Variants in LEPR observed in about 807,000 individuals in gnomAD.
The protein encoded by LEPR is leptin receptor, also known as OB receptor.
A neutral mutation model predicts 114.7 loss-of-function variants in LEPR; 56 were observed. The observed-to-expected ratio is 0.49, with a 90% CI of 0.39 to 0.61. LEPR has a LOEUF of 0.61. LEPR is among the 20% of genes least tolerant of loss of function. The pLI, the probability that LEPR is intolerant of heterozygous loss-of-function variation, is 0.00. For synonymous variants in LEPR, 443 were observed against 461.4 expected (o/e 0.96, Z 0.51); for missense variants, 1,202 against 1,352.9 (o/e 0.89, Z 1.75).
At chr1:65,420,783 C>T (rs1406337951) in intron 1 of LEPR, 43 bp downstream of exon 1, 3 of 1,566,212 alleles carry the variant, frequency 1.9e-6, no homozygotes, top group Middle Eastern at 1.7e-4. Flanking sequence ...GGTGGGGTTG[C>T]CACCTCCGTT....
chr1:65,431,897 A>T, intron 2 of LEPR: 1 of 1,614,002 alleles, frequency 6.2e-7, no homozygotes, highest in Non-Finnish European at 8.5e-7. Context: ...AGAGGAGATG[A>T]TTTTAGCTGG....
At chr1:65,469,684 A>G (rs1394337285) in intron 2 of LEPR, among the ~76,000 whole-genome samples, 2 of 152,158 alleles carry the variant, frequency 1.3e-5, no homozygotes, top group Admixed American at 6.5e-5. Flanking sequence ...ACACTTAGCA[A>G]AACAGTGTGT....
At position 65,637,848 on chromosome 1, in the gene LEPR, GTTAA is replaced by G. The variant is rs958986757; in HGVS notation, c.*837_*840del. On this transcript the variant is annotated 3_prime_UTR_variant, in exon 20 of 20. Transcript: ENST00000349533. ...GCAGTACTTTACATACCTTAACCCA[GTTAA>G]TTATTGAAATAATTGTATGAGACAT... 2.8e-4 allele frequency: 42 copies of G among 152,162 alleles called. No homozygotes were observed. Among genetic ancestry groups the G allele is most frequent in the Admixed American group, 2.3e-3 (35 of 15,278 alleles). 9.4% of individuals were successfully genotyped at this position (152,162 alleles called of 1,614,324 possible). A position where few individuals can be genotyped will look rare whatever the true frequency, so the allele number is the denominator to read the frequency against.
intron 5 of LEPR, among the ~76,000 whole-genome samples, chr1:65,579,625 A>G (rs1431483683): frequency 6.6e-6 from 1 of 152,204 alleles, no homozygotes; most frequent in Non-Finnish European, 1.5e-5. Context: ...AATGACCTAA[A>G]TGCTTTGGAT....
chr1:65,472,996 TG>T (rs1647107415), intron 2 of LEPR, among the ~76,000 whole-genome samples: 2 of 152,184 alleles, frequency 1.3e-5, no homozygotes, highest in Admixed American at 6.5e-5. Context: ...CCCCCAGGGA[TG>T]GAAGTTTACT....
chr1:65,614,831 A>G (rs1206436183), intron 14 of LEPR, among the ~76,000 whole-genome samples: 1 of 152,158 alleles, frequency 6.6e-6, no homozygotes. Flanking sequence ...GTAGTAAGAC[A>G]TGTGCCCAGA....
chr1:65,509,181 C>A (rs1488898931), intron 2 of LEPR, among the ~76,000 whole-genome samples: 1 of 152,078 alleles, frequency 6.6e-6, no homozygotes, highest in Admixed American at 6.6e-5. Flanking sequence ...CCTTTTACTT[C>A]TTTTCTCTTG....
At chr1:65,451,952 C>A (rs1275917606) in intron 2 of LEPR, among the ~76,000 whole-genome samples, 2 of 150,798 alleles carry the variant, frequency 1.3e-5, no homozygotes, top group African/African-American at 2.4e-5. Context: ...CTTTTATTTC[C>A]TTGAGCAGTG....
At chr1:65,453,866 A>C (rs865825362) in intron 2 of LEPR, among the ~76,000 whole-genome samples, 41 of 151,502 alleles carry the variant, frequency 2.7e-4, no homozygotes, top group South Asian at 6.3e-4. Flanking sequence ...TGATCTGTCT[A>C]ATGTTGACAG....
Position 65,558,501 on chromosome 1 carries a change from G to GTTTTTTTTTTTTTTTTTTTTTTT in LEPR, c.-20-7030_-20-7029insTTTTTTTTTTTTTTTTTTTTTTT, listed in dbSNP as rs781558613. On this transcript the variant is annotated intron_variant, in intron 2 of 19. Coordinates refer to ENST00000349533, the MANE Select transcript of LEPR (RefSeq NM_002303.6). Reference sequence around the variant, plus strand: ...TGAGTCATGAGACATGTTTCTTAATGTTTTTTTTTTTTTTTGAATCAGAAG... The same window carrying GTTTTTTTTTTTTTTTTTTTTTTT: ...TGAGTCATGAGACATGTTTCTTAATGTTTTTTTTTTTTTTTTTTTTTTTTTTTTTTTTTTTTTTGAATCAGAAG... Among the ~76,000 whole-genome samples, 12 of 23,142 alleles carry GTTTTTTTTTTTTTTTTTTTTTTT rather than the reference G, an allele frequency of 5.2e-4. 3 individuals are homozygous for GTTTTTTTTTTTTTTTTTTTTTTT. The highest frequency in any genetic ancestry group is 9.1e-4 in the Non-Finnish European group (11 of 12,124). 15.2% of individuals were successfully genotyped at this position (23,142 alleles called of 152,430 possible).
intron 19 of LEPR, among the ~76,000 whole-genome samples, chr1:65,632,313 C>T (rs987663057): frequency 1.7e-4 from 26 of 152,128 alleles, no homozygotes; most frequent in African/African-American, 5.5e-4. Flanking sequence ...ATGCACATTA[C>T]TGGGCCTAGA....
At chr1:65,572,854 AG>A (rs2100815640) in intron 5 of LEPR, among the ~76,000 whole-genome samples, 1 of 152,316 alleles carries the variant, frequency 6.6e-6, no homozygotes, top group African/African-American at 2.4e-5. Context: ...CTCTCTTAGC[AG>A]CAGCTTTCTC....
At chr1:65,571,840 C>A (rs1654197331) in intron 4 of LEPR, among the ~76,000 whole-genome samples, 1 of 138,952 alleles carries the variant, frequency 7.2e-6, no homozygotes. Flanking sequence ...CATGGTGGTG[C>A]ATGCCTCTAG....
At chr1:65,431,382 C>T (rs2100227326) in intron 2 of LEPR, among the ~76,000 whole-genome samples, 1 of 152,230 alleles carries the variant, frequency 6.6e-6, no homozygotes, top group South Asian at 2.1e-4. Flanking sequence ...TGTATGAAGA[C>T]TATTATTTAA....
chr1:65,586,650 AT>A (rs1655338547), intron 5 of LEPR, among the ~76,000 whole-genome samples: 1 of 151,976 alleles, frequency 6.6e-6, no homozygotes, highest in African/African-American at 2.4e-5. Flanking sequence ...GTAAGTAACC[AT>A]TCTTAGCTCA....
intron 4 of LEPR, among the ~76,000 whole-genome samples, chr1:65,571,713 G>A (rs1654172755): frequency 1.4e-5 from 2 of 141,984 alleles, no homozygotes; most frequent in South Asian, 4.5e-4. Flanking sequence ...CTAGCATTTA[G>A]GAGGCCTAGG....
intron 3 of LEPR, among the ~76,000 whole-genome samples, chr1:65,570,108 A>G (rs1401684732): frequency 1.3e-5 from 2 of 152,222 alleles, no homozygotes; most frequent in African/African-American, 4.8e-5. Context: ...ACTGGATATT[A>G]TATTTATCAT....
intron 5 of LEPR, among the ~76,000 whole-genome samples, chr1:65,584,628 C>T (rs185237171): frequency 6.1e-4 from 93 of 152,098 alleles, no homozygotes; most frequent in African/African-American, 2.2e-3. Flanking sequence ...CATTGCTATC[C>T]CATACTGCTG....
chr1:65,539,959 A>G (rs564987969), intron 2 of LEPR, among the ~76,000 whole-genome samples: 1 of 152,254 alleles, frequency 6.6e-6, no homozygotes, highest in South Asian at 2.1e-4. Flanking sequence ...TCTGGCACTC[A>G]CTGAGGTTCG....
Sources: allele counts gnomAD v4.1 joint callset (sites outside exome capture counted in the v4.1 genomes callset), GRCh38; gene constraint gnomAD v4.1.1; transcripts MANE v1.5; gene names NCBI Gene and HGNC (gene_info 2026-07-23, HGNC 2026-07-21).